The following PPM1L variants were observed in gnomAD, a reference collection of about 807,000 sequenced individuals.
The protein encoded by PPM1L is protein phosphatase 1L.
In PPM1L, 13 loss-of-function variants were observed where a neutral mutation model predicts 31.4. That is an observed-to-expected ratio of 0.41 (90% CI 0.27 to 0.66). The LOEUF (loss-of-function observed/expected upper bound fraction) is 0.66, where lower values mean the gene tolerates loss of function less well. Ranked by LOEUF, PPM1L falls within the 30% of genes least tolerant of loss-of-function variation. The pLI is 0.29. For missense variants in PPM1L, 326 were observed against 453.7 expected (o/e 0.72, Z 2.56); for synonymous variants, 184 against 175.4 (o/e 1.05, Z -0.39).
intron 1 of PPM1L, among the ~76,000 whole-genome samples, chr3:160,905,327 T>TTA: frequency 6.6e-6 from 1 of 152,340 alleles, no homozygotes; most frequent in East Asian, 1.9e-4. Context: ...CTTAATCTCA[T>TTA]TATACTCTAA....
intron 1 of PPM1L, among the ~76,000 whole-genome samples, chr3:160,826,512 G>A (rs1454273481): frequency 2.0e-5 from 3 of 152,142 alleles, no homozygotes; most frequent in African/African-American, 4.8e-5. Flanking sequence ...CAACAAAAAT[G>A]TCACTGTTAA....
At position 160,756,738 on chromosome 3, in the gene PPM1L, G is replaced by T; in HGVS notation, c.399+31G>T. On this transcript the variant is annotated intron_variant, in intron 1 of 3. Transcript: ENST00000498165. The surrounding 1 kb of genome is among the most constrained non-coding windows in gnomAD (Gnocchi z 6.2). ...AGCTACCCCGGGGCTTTGTATTTGT[G>T]TCCGTGTATGTCTCGTGTGTGTGTG... 6.3e-7 allele frequency: 1 copy of T among 1,578,648 alleles called. No homozygotes were observed. Among genetic ancestry groups the T allele is most frequent in the Non-Finnish European group, 8.6e-7 (1 of 1,160,304 alleles).
chr3:160,986,248 G>T lies in PPM1L; in HGVS notation c.574+24338G>T, dbSNP rs1456811981. 2.0e-5 allele frequency among the ~76,000 whole-genome samples: 3 copies of T among 152,110 alleles called. No homozygotes were observed. The East Asian group carries it at 5.8e-4, about 29-fold the overall frequency. On this transcript the variant is annotated intron_variant, in intron 2 of 3. Coordinates refer to ENST00000498165, the MANE Select transcript of PPM1L (RefSeq NM_139245.4). ...TCATTAACCCACTTTTGCTACCCAT[G>T]CCCACATGCTTGTCAGGAGATGCTG...
chr3:161,011,930 G>T (rs1301889045), intron 2 of PPM1L, among the ~76,000 whole-genome samples: 1 of 152,098 alleles, frequency 6.6e-6, no homozygotes. Flanking sequence ...GAGACGATGG[G>T]GTTTTCTAAA....
At chr3:160,925,400 C>T (rs1051256546) in intron 1 of PPM1L, among the ~76,000 whole-genome samples, 1 of 152,060 alleles carries the variant, frequency 6.6e-6, no homozygotes, top group Non-Finnish European at 1.5e-5. Context: ...TGTAGTTTTA[C>T]TTTAAGTTAG....
chr3:160,968,595 A>T (rs543265671), intron 2 of PPM1L, among the ~76,000 whole-genome samples: 14 of 152,192 alleles, frequency 9.2e-5, no homozygotes, highest in Non-Finnish European at 2.1e-4. Flanking sequence ...GAGTTTGGGC[A>T]TGAATAAATA....
chr3:160,919,465 G>A (rs1468250462), intron 1 of PPM1L, among the ~76,000 whole-genome samples: 1 of 152,156 alleles, frequency 6.6e-6, no homozygotes, highest in Non-Finnish European at 1.5e-5. Context: ...AGGCATGCGT[G>A]GGTGTCATCC....
intron 1 of PPM1L, among the ~76,000 whole-genome samples, chr3:160,907,948 T>G (rs1292474710): frequency 6.6e-6 from 1 of 152,130 alleles, no homozygotes. Flanking sequence ...ATCCAGAAGG[T>G]AAGTGAGCCC....
intron 2 of PPM1L, among the ~76,000 whole-genome samples, chr3:161,018,863 T>C (rs1718160014): frequency 6.6e-6 from 1 of 152,188 alleles, no homozygotes; most frequent in South Asian, 2.1e-4. Flanking sequence ...GAAAAACATT[T>C]GGGATATGTT....
At chr3:161,048,822 T>G (rs1025695012) in intron 2 of PPM1L, among the ~76,000 whole-genome samples, 2 of 149,884 alleles carry the variant, frequency 1.3e-5, no homozygotes, top group Non-Finnish European at 3.0e-5. Context: ...CAGCAAACTA[T>G]CACAAGGACA....
At chr3:160,769,562 C>T (rs1326595666) in intron 1 of PPM1L, among the ~76,000 whole-genome samples, 2 of 151,450 alleles carry the variant, frequency 1.3e-5, no homozygotes, top group Non-Finnish European at 2.9e-5. Context: ...TTTTTCTCCG[C>T]TGTGTGAACT....
At chr3:160,814,108 T>C (rs989192062) in intron 1 of PPM1L, among the ~76,000 whole-genome samples, 2 of 152,146 alleles carry the variant, frequency 1.3e-5, no homozygotes, top group African/African-American at 4.8e-5. Context: ...GTTAAGAAAA[T>C]ATTTGGAAGG....
At chr3:160,902,359 T>C (rs1489918650) in intron 1 of PPM1L, among the ~76,000 whole-genome samples, 1 of 152,130 alleles carries the variant, frequency 6.6e-6, no homozygotes, top group Non-Finnish European at 1.5e-5. Context: ...CATTTTCATC[T>C]AAAGGAACCC....
chr3:160,839,637 G>A (rs1319896225), intron 1 of PPM1L, among the ~76,000 whole-genome samples: 1 of 152,208 alleles, frequency 6.6e-6, no homozygotes, highest in Non-Finnish European at 1.5e-5. Context: ...GGTAGGTCCT[G>A]CAGTTTAGAA....
chr3:160,851,868 T>G (rs74854282), intron 1 of PPM1L, among the ~76,000 whole-genome samples: 1,758 of 152,322 alleles, frequency 0.012, 30 homozygotes, highest in African/African-American at 0.04. Context: ...AGCCAAGACC[T>G]TCCATTGTCT....
chr3:160,873,101 G>C (rs1481518409), intron 1 of PPM1L, among the ~76,000 whole-genome samples: 1 of 152,124 alleles, frequency 6.6e-6, no homozygotes, highest in Non-Finnish European at 1.5e-5. Flanking sequence ...AAATTTCCTT[G>C]CATATGAACA....
intron 1 of PPM1L, among the ~76,000 whole-genome samples, chr3:160,764,415 G>C (rs1308580439): frequency 6.7e-6 from 1 of 150,356 alleles, no homozygotes; most frequent in Non-Finnish European, 1.5e-5. Flanking sequence ...CTGTCATTTT[G>C]CTCTATAATG....
intron 1 of PPM1L, among the ~76,000 whole-genome samples, chr3:160,814,653 A>G (rs1351740644): frequency 2.7e-5 from 4 of 150,520 alleles, no homozygotes; most frequent in Non-Finnish European, 4.4e-5. Context: ...ATATGTATAT[A>G]TACACACACG....
intron 2 of PPM1L, among the ~76,000 whole-genome samples, chr3:161,022,762 C>A (rs2108073429): frequency 6.7e-6 from 1 of 150,334 alleles, no homozygotes; most frequent in Admixed American, 6.7e-5. Context: ...CTCCTGGGTA[C>A]ACACCATTCT....
Sources: allele counts gnomAD v4.1 joint callset (sites outside exome capture counted in the v4.1 genomes callset), GRCh38; gene constraint gnomAD v4.1.1; non-coding constraint Gnocchi (gnomAD v3.1); transcripts MANE v1.5; gene names NCBI Gene and HGNC (gene_info 2026-07-23, HGNC 2026-07-21).